The following FAM227B variants were observed in gnomAD, a reference collection of about 807,000 sequenced individuals.
FAM227B encodes protein FAM227B.
A neutral mutation model predicts 73.8 loss-of-function variants in FAM227B; 88 were observed. The observed-to-expected ratio is 1.19, with a 90% CI of 1.00 to 1.42. The LOEUF is 1.42. Ranked by LOEUF, FAM227B falls within the 40% of genes most tolerant of loss-of-function variation. The probability of loss-of-function intolerance (pLI) is 0.00; values close to 1 mark genes in which losing one functional copy is unlikely to be tolerated. For synonymous variants in FAM227B, 210 were observed against 190.5 expected, an observed-to-expected ratio of 1.10 and a Z score of -0.84; for missense variants, 632 against 590.9, an observed-to-expected ratio of 1.07 and a Z score of -0.72.
At chr15:49,416,931 G>A (rs1368922712) in intron 11 of FAM227B, among the ~76,000 whole-genome samples, 1 of 152,114 alleles carries the variant, frequency 6.6e-6, no homozygotes, top group Non-Finnish European at 1.5e-5. Flanking sequence ...TCATGGATAG[G>A]AAGAATCAAG....
intron 11 of FAM227B, among the ~76,000 whole-genome samples, chr15:49,427,067 G>A (rs959216343): frequency 3.3e-5 from 5 of 151,864 alleles, no homozygotes; most frequent in African/African-American, 1.2e-4. Flanking sequence ...AGAATATATG[G>A]AGAATAACAT....
chr15:49,551,893 A>C (rs1037233025), intron 9 of FAM227B, among the ~76,000 whole-genome samples: 1 of 152,170 alleles, frequency 6.6e-6, no homozygotes, highest in Non-Finnish European at 1.5e-5. Context: ...TTGTCCCCCC[A>C]CTTTTTAACT....
intron 11 of FAM227B, among the ~76,000 whole-genome samples, chr15:49,380,548 C>T (rs2046458275): frequency 6.6e-6 from 1 of 152,082 alleles, no homozygotes; most frequent in South Asian, 2.1e-4. Flanking sequence ...CTCTAACATG[C>T]TAAAGAAATC....
chr15:49,519,524 C>T (rs1401415050), intron 10 of FAM227B, among the ~76,000 whole-genome samples: 2 of 152,182 alleles, frequency 1.3e-5, no homozygotes, highest in East Asian at 3.8e-4. Context: ...AACCCCAATG[C>T]TTAACTTCTG....
chr15:49,614,633 TC>T (rs1475322970), intron 2 of FAM227B, among the ~76,000 whole-genome samples: 43 of 152,342 alleles, frequency 2.8e-4, no homozygotes, highest in African/African-American at 1.0e-3. Flanking sequence ...ATTGGTCTTA[TC>T]TGAGTTCCTT....
intron 11 of FAM227B, among the ~76,000 whole-genome samples, chr15:49,463,550 CAA>C (rs34545202): frequency 7.2e-5 from 9 of 125,852 alleles, no homozygotes; most frequent in Non-Finnish European, 6.7e-5. Context: ...GATTCCGTCT[CAA>C]AAAAAAAAAA....
At chr15:49,402,280 C>G (rs2048218635) in intron 11 of FAM227B, among the ~76,000 whole-genome samples, 2 of 152,112 alleles carry the variant, frequency 1.3e-5, no homozygotes, top group African/African-American at 4.8e-5. Flanking sequence ...TATTTGGGCT[C>G]TTTTTGGATT....
intron 11 of FAM227B, among the ~76,000 whole-genome samples, chr15:49,498,339 T>C (rs564127409): frequency 6.6e-6 from 1 of 152,328 alleles, no homozygotes; most frequent in South Asian, 2.1e-4. Context: ...AAGATGATAA[T>C]AAAAGTCACC....
At chr15:49,552,111 C>G (rs1171248337) in intron 9 of FAM227B, among the ~76,000 whole-genome samples, 2 of 152,130 alleles carry the variant, frequency 1.3e-5, no homozygotes, top group East Asian at 3.8e-4. Flanking sequence ...TTACTTATTG[C>G]TCATTAATGT....
chr15:49,531,247 GTACATATATTA>G, intron 10 of FAM227B, among the ~76,000 whole-genome samples: 2 of 151,680 alleles, frequency 1.3e-5, no homozygotes, highest in African/African-American at 4.8e-5. Flanking sequence ...ATATGTCTGT[GTACATATATTA>G]TGTATTGTGT....
At chr15:49,375,676 T>C (rs1366619712) in intron 11 of FAM227B, among the ~76,000 whole-genome samples, 1 of 152,074 alleles carries the variant, frequency 6.6e-6, no homozygotes, top group African/African-American at 2.4e-5. Context: ...ATCTTTCCTA[T>C]AGAATGAAAA....
chr15:49,518,362 T>C (rs756655395), intron 10 of FAM227B, among the ~76,000 whole-genome samples: 1 of 152,182 alleles, frequency 6.6e-6, no homozygotes. Flanking sequence ...AGTTACAGGT[T>C]GATGGTCATG....
chr15:49,582,486 T>C (rs942522236), intron 5 of FAM227B, among the ~76,000 whole-genome samples: 1 of 152,186 alleles, frequency 6.6e-6, no homozygotes, highest in African/African-American at 2.4e-5. Context: ...AAGCAAGTTC[T>C]TAGAGACCTT....
chr15:49,422,589 T>C, intron 11 of FAM227B: 2 of 1,264,218 alleles, frequency 1.6e-6, no homozygotes, highest in Non-Finnish European at 2.2e-6. Flanking sequence ...ATAGAGGCAT[T>C]AGACCAATAC....
At chr15:49,460,730 T>C (rs2053715418) in intron 11 of FAM227B, among the ~76,000 whole-genome samples, 1 of 152,174 alleles carries the variant, frequency 6.6e-6, no homozygotes, top group Non-Finnish European at 1.5e-5. Context: ...AAAACCCCTC[T>C]GGCACTTATA....
intron 13 of FAM227B, among the ~76,000 whole-genome samples, chr15:49,349,461 T>C (rs1158222450): frequency 1.3e-5 from 2 of 152,226 alleles, no homozygotes; most frequent in South Asian, 2.1e-4. Context: ...AAAATTTAAA[T>C]ACTTGATATA....
At chr15:49,518,006 A>G (rs2059499474) in intron 10 of FAM227B, among the ~76,000 whole-genome samples, 1 of 152,158 alleles carries the variant, frequency 6.6e-6, no homozygotes, top group Non-Finnish European at 1.5e-5. Flanking sequence ...CATTGTATGA[A>G]TATTCTGCAA....
intron 11 of FAM227B, among the ~76,000 whole-genome samples, chr15:49,427,986 G>A (rs557659301): frequency 1.3e-5 from 2 of 152,040 alleles, no homozygotes; most frequent in East Asian, 3.9e-4. Flanking sequence ...GTGTTGTTTT[G>A]TAAAATATTT....
intron 11 of FAM227B, among the ~76,000 whole-genome samples, chr15:49,399,028 A>C (rs1167036344): frequency 4.4e-5 from 5 of 114,642 alleles, no homozygotes; most frequent in Admixed American, 8.6e-5. Context: ...TAGAGACACA[A>C]AAAACCCTTC....
Sources: gnomAD v4.1 joint callset for allele counts (sites outside exome capture counted in the v4.1 genomes callset) on GRCh38, gnomAD v4.1.1 for gene constraint, MANE v1.5 for transcripts, NCBI Gene and HGNC (gene_info 2026-07-23, HGNC 2026-07-21) for gene names.